THNSL2: variants seen among roughly 807,000 people sequenced by gnomAD.
THNSL2 encodes the protein threonine synthase-like 2.
Under a neutral mutation model 40.0 loss-of-function variants are expected in THNSL2, and 34 were observed. The observed-to-expected ratio is 0.85, with a 90% CI of 0.65 to 1.13. THNSL2 has a LOEUF of 1.13. THNSL2 is among the 50% of genes most tolerant of loss of function. The pLI, the probability that THNSL2 is intolerant of heterozygous loss-of-function variation, is 0.00. For synonymous variants in THNSL2, 241 were observed against 247.5 expected, an observed-to-expected ratio of 0.97 and a Z score of 0.25; for missense variants, 537 against 608.8, an observed-to-expected ratio of 0.88 and a Z score of 1.24.
intron 5 of THNSL2, 102 bp downstream of exon 5, chr2:88,179,115 G>T (rs1222949117): frequency 2.5e-6 from 3 of 1,201,422 alleles, no homozygotes; most frequent in East Asian, 2.3e-5. Context: ...AAGGAAGGTG[G>T]AGTCCCAGTT....
intron 5 of THNSL2, 61 bp downstream of exon 5, chr2:88,179,074 C>A (rs1167869193): frequency 1.3e-6 from 2 of 1,536,096 alleles, no homozygotes; most frequent in East Asian, 2.2e-5. Context: ...CCCAGTCCTT[C>A]TAGCTGCCCT....
Position 88,185,647 on chromosome 2 carries a change from G to A in THNSL2, c.1229+168G>A, listed in dbSNP as rs76505901. The A allele has an allele frequency of 4.2e-3, 6,484 of 1,551,556 alleles. 231 individuals are homozygous for A. The East Asian group carries it at 0.089, about 21-fold the overall frequency. ...AAACTGTGGGCCCAGAAGAGGGAGCGTGACAGATATCCCAGGGACAGCCAT... is the reference window on the plus strand; with the variant it reads ...AAACTGTGGGCCCAGAAGAGGGAGCATGACAGATATCCCAGGGACAGCCAT... On this transcript the variant is annotated intron_variant, in intron 8 of 8. Transcript: ENST00000674334.
chr2:88,180,044 A>G (rs1878812), intron 5 of THNSL2, among the ~76,000 whole-genome samples: 132,519 of 152,274 alleles, frequency 0.87, 57,703 homozygotes, highest in East Asian at 0.94. Context: ...TGGCAGGCAA[A>G]GAGGGATGGG....
intron 4 of THNSL2, chr2:88,175,692 A>T (rs1573178196): frequency 2.9e-6 from 1 of 341,572 alleles, no homozygotes; most frequent in East Asian, 5.3e-5. Context: ...TCCAACCTGC[A>T]AGTGTCATGT....
In THNSL2 at chr2:88,185,947, G is replaced by C. The variant is rs970266831; in HGVS notation, c.1279G>C (p.Ala427Pro). 2.2e-5 allele frequency: 36 copies of C among 1,612,636 alleles called. No individual in the cohort carries two copies. Among genetic ancestry groups the C allele is most frequent in the Non-Finnish European group, 3.1e-5 (36 of 1,179,638 alleles). ...TGCCTCTGCAGCCAAGTTCCCGGAA[G>C]CTGTCCTGGCTGCTGGCCTGACCCC... ...APASAAKFPE[A>P]VLAAGLTPET... Residue 427 changes from alanine (A) to proline (P), a missense_variant, in exon 9 of 9, where the codon GCT becomes CCT. Coordinates refer to ENST00000674334, the MANE Select transcript of THNSL2 (RefSeq NM_018271.5).
chr2:88,170,438 C>T lies in THNSL2; in HGVS notation c.-31C>T, dbSNP rs1453074204. ...CTCGCGCCCCGCGCCCCGCGCCCCG[C>T]GCCCCGCGCCCCGCACCGGTAACGC... On this transcript the variant is annotated 5_prime_UTR_variant, in exon 1 of 9. Transcript: ENST00000674334. 1.3e-5 allele frequency: 2 copies of T among 152,068 alleles called. No individual in the cohort carries two copies. Among genetic ancestry groups the T allele is most frequent in the Non-Finnish European group, 3.0e-5 (2 of 67,786 alleles). The allele number at this position is 152,068 out of a possible 1,614,324, so 9.4% of individuals were successfully genotyped here.
Position 88,174,639 on chromosome 2 carries a change from A to G in THNSL2, c.224A>G (p.Asp75Gly), listed in dbSNP as rs925547961. 6.2e-7 allele frequency: 1 copy of G among 1,613,828 alleles called. No individual in the cohort carries two copies. The highest frequency in any genetic ancestry group is 1.3e-5 in the African/African-American group (1 of 74,910). Reference sequence around the variant, plus strand: ...GCTATCCACCCCACTACCCTCACAGATCTGATCGACCGAGCCTTCAGCAGA... The same window carrying G: ...GCTATCCACCCCACTACCCTCACAGGTCTGATCGACCGAGCCTTCAGCAGA... ...SELLPKDELN[D>G]LIDRAFSRFR... Residue 75 changes from aspartate to glycine, a missense_variant and splice_region_variant, in exon 3 of 9, where the codon GAT becomes GGT. By Grantham distance (94) the Asp-to-Gly change is moderately conservative (BLOSUM62 -1). Transcript: ENST00000674334.
At chr2:88,174,199 A>G (rs189506661) in intron 2 of THNSL2, among the ~76,000 whole-genome samples, 154 of 152,280 alleles carry the variant, frequency 1.0e-3, no homozygotes, top group African/African-American at 3.6e-3. Flanking sequence ...AGGGCTGTAT[A>G]TCAACCATCC....
At chr2:88,179,503 CTG>C (rs1448892178) in intron 5 of THNSL2, among the ~76,000 whole-genome samples, 2 of 152,174 alleles carry the variant, frequency 1.3e-5, no homozygotes, top group African/African-American at 4.8e-5. Flanking sequence ...CCTTTACTAA[CTG>C]AGAGGCTGTG....
rs762291807 is a variant in THNSL2 at position 88,179,033 on chromosome 2, C to T, written c.802+20C>T. 1 of 1,612,482 alleles carries T rather than the reference C, an allele frequency of 6.2e-7. No homozygotes were observed. Among genetic ancestry groups the T allele is most frequent in the South Asian group, 1.1e-5 (1 of 91,050 alleles). On this transcript the variant is annotated intron_variant, in intron 5 of 8. Transcript: ENST00000674334. ...TTGCAGGTAAGGAATCCCCGGGGCACAAATGGGCTTTCCAGAAAAATGCCT... is the reference window on the plus strand; with the variant it reads ...TTGCAGGTAAGGAATCCCCGGGGCATAAATGGGCTTTCCAGAAAAATGCCT...
intron 2 of THNSL2, among the ~76,000 whole-genome samples, chr2:88,173,658 A>C (rs2104133294): frequency 6.6e-6 from 1 of 150,906 alleles, no homozygotes; most frequent in African/African-American, 2.4e-5. Context: ...CTTCAACACT[A>C]GGGATTTTAG....
At chr2:88,184,723 G>A (rs538355986) in intron 7 of THNSL2, among the ~76,000 whole-genome samples, 2 of 152,088 alleles carry the variant, frequency 1.3e-5, no homozygotes, top group East Asian at 3.9e-4. Context: ...AGCCAAGATC[G>A]TGTCACGGTT....
rs886979870 is a variant in THNSL2, at chr2:88,182,701, G to C, written c.805G>C (p.Gly269Arg). Residue 269 changes from glycine to arginine, a missense_variant and splice_region_variant, in exon 6 of 9, where the codon GGG becomes CGG. Gly to Arg is a moderately radical substitution (Grantham distance 125). Transcript: ENST00000674334. ...PTGAAGNLAA[G>R]YIAQKIGLPI... ...TTCTCCTCCTCTCTTGTCTTAAGCT[G>C]GGTACATTGCTCAAAAGATAGGCCT... 2 of 1,605,934 alleles carry C rather than the reference G, an allele frequency of 1.2e-6. No homozygotes were observed. Among genetic ancestry groups the C allele is most frequent in the Non-Finnish European group, 1.7e-6 (2 of 1,173,612 alleles).
Position 88,174,511 on chromosome 2 carries a change from T to A in THNSL2, c.224-128T>A, listed in dbSNP as rs1018875936. ...TTTTTACAATTGTATTCAAAAATGG[T>A]ATCATTTAAGATGAAGATTTTTGGC... On this transcript the variant is annotated intron_variant, in intron 2 of 8. Coordinates refer to ENST00000674334, the MANE Select transcript of THNSL2 (RefSeq NM_018271.5). The A allele has an allele frequency of 3.4e-6, 3 of 893,014 alleles. No individual in the cohort carries two copies. In the African/African-American group the frequency reaches 5.1e-5, roughly 15 times the overall value. 55.3% of individuals were successfully genotyped at this position (893,014 alleles called of 1,614,324 possible).
rs766055425 is a variant in THNSL2 at position 88,183,075 on chromosome 2, T to C, written c.1077+2T>C. ...CTGCCCAAGGAACTGCACAGCAAGG[T>C]CAGTCACTACCCACACACCACAGAG... On this transcript the variant is annotated splice_donor_variant, in intron 7 of 8. Transcript: ENST00000674334. LOFTEE classifies it high-confidence loss of function. 5 of 1,611,912 alleles carry C rather than the reference T, an allele frequency of 3.1e-6. No individual in the cohort carries two copies. Among genetic ancestry groups the C allele is most frequent in the Non-Finnish European group, 4.2e-6 (5 of 1,179,422 alleles).
Position 88,174,645 on chromosome 2 carries a change from TCGAC to T in THNSL2, c.234_237del (p.Asp78GlufsTer17). On this transcript the variant is annotated frameshift_variant, in exon 3 of 9. Transcript: ENST00000674334. LOFTEE classifies it high-confidence loss of function. The stretch of plus-strand genomic sequence containing the variant: ...CACCCCACTACCCTCACAGATCTGA[TCGAC>T]CGAGCCTTCAGCAGATTCCGTCACA... 1 of 1,613,926 alleles carries T rather than the reference TCGAC, an allele frequency of 6.2e-7. No homozygotes were observed. Among genetic ancestry groups the T allele is most frequent in the Non-Finnish European group, 8.5e-7 (1 of 1,179,886 alleles).
chr2:88,185,812 G>T, intron 8 of THNSL2, 86 bp from the exon 9 acceptor site: 2 of 1,540,230 alleles, frequency 1.3e-6, no homozygotes, highest in Non-Finnish European at 1.8e-6. Flanking sequence ...AACTTCCTCT[G>T]TTTCTTATTC....
Position 88,186,426 on chromosome 2 carries a change from G to C in THNSL2, c.*303G>C, listed in dbSNP as rs1278595763. On this transcript the variant is annotated 3_prime_UTR_variant, in exon 9 of 9. Coordinates refer to ENST00000674334, the MANE Select transcript of THNSL2 (RefSeq NM_018271.5). ...AAAGAAGAGGCTTGGGCACAGGACT[G>C]ACCATGGCTCCAGGGGTTTAGGACC... 2.7e-6 allele frequency: 1 copy of C among 371,388 alleles called. No individual in the cohort carries two copies. Among genetic ancestry groups the C allele is most frequent in the Non-Finnish European group, 5.0e-6 (1 of 201,086 alleles). 23.0% of individuals were successfully genotyped at this position (371,388 alleles called of 1,614,324 possible).
In THNSL2 at chr2:88,185,435, G is replaced by A. The variant is rs2104289556; in HGVS notation, c.1185G>A (p.Val395=). The change falls in exon 8 of 9, where the codon GTG becomes GTA. Residue 395 remains valine, a synonymous_variant. Coordinates refer to ENST00000674334, the MANE Select transcript of THNSL2 (RefSeq NM_018271.5). ...NQYLLCPHSA[V]AVNYHYQQID... ...ACTTGCTGTGCCCCCACTCAGCGGT[G>A]GCCGTGAACTACCATTACCAGCAGA... 6.2e-7 allele frequency: 1 copy of A among 1,613,744 alleles called. No homozygotes were observed. The highest frequency in any genetic ancestry group is 2.2e-5 in the East Asian group (1 of 44,852).
Sources: allele counts gnomAD v4.1 joint callset (sites outside exome capture counted in the v4.1 genomes callset), GRCh38; gene constraint gnomAD v4.1.1; transcripts MANE v1.5; gene names NCBI Gene and HGNC (gene_info 2026-07-23, HGNC 2026-07-21).